Variants in DNMBP observed in about 807,000 individuals in gnomAD.
DNMBP encodes the protein dynamin-binding protein.
A neutral mutation model predicts 150.0 loss-of-function variants in DNMBP; 87 were observed. That is an observed-to-expected ratio of 0.58 (90% confidence interval 0.49 to 0.69). The LOEUF is 0.69. Among genes scored for constraint, DNMBP ranks in the 30% least tolerant of loss-of-function variants. The pLI is 0.00. For missense variants in DNMBP, 1,774 were observed against 1,949.0 expected, an observed-to-expected ratio of 0.91 and a Z score of 1.69; for synonymous variants, 711 against 750.4, an observed-to-expected ratio of 0.95 and a Z score of 0.86.
intron 16 of DNMBP, among the ~76,000 whole-genome samples, chr10:99,878,121 G>A (rs2039304846): frequency 6.6e-6 from 1 of 152,182 alleles, no homozygotes; most frequent in Admixed American, 6.5e-5. Context: ...TACCTTTTCA[G>A]TCTTTTAGAA....
chr10:99,882,429 A>C (rs867551736), intron 15 of DNMBP, among the ~76,000 whole-genome samples: 1 of 152,178 alleles, frequency 6.6e-6, no homozygotes, highest in African/African-American at 2.4e-5. Context: ...CTCTACTAAA[A>C]TAAAATTAAC....
intron 4 of DNMBP, among the ~76,000 whole-genome samples, chr10:99,949,556 CTGCAAGGA>C (rs2040396650): frequency 6.6e-6 from 1 of 152,072 alleles, no homozygotes; most frequent in Non-Finnish European, 1.5e-5. Context: ...TTGGCTGTTA[CTGCAAGGA>C]ATAAGTAATT....
intron 10 of DNMBP, 68 bp downstream of exon 10, chr10:99,896,199 C>A (rs1590218690): frequency 6.4e-7 from 1 of 1,557,600 alleles, no homozygotes; most frequent in Non-Finnish European, 8.7e-7. Context: ...TGACGCCAGG[C>A]AGGCTGTCTC....
rs542145909 is a variant in DNMBP, at chr10:99,928,734, T to C, written c.2261-19588A>G. 1.1e-4 allele frequency among the ~76,000 whole-genome samples: 16 copies of C among 152,342 alleles called. No individual in the cohort carries two copies. The South Asian group carries it at 3.1e-3, about 30-fold the overall frequency. ...TCCACAAGAGTGTCAGTACTCATCA[T>C]TCACTTAAGATTCCTGAATGTCAAG... On this transcript the variant is annotated intron_variant, in intron 4 of 16. Coordinates refer to ENST00000324109, the MANE Select transcript of DNMBP (RefSeq NM_015221.4).
At chr10:99,929,702 G>T in intron 4 of DNMBP, 1 of 702,930 alleles carries the variant, frequency 1.4e-6, no homozygotes, top group South Asian at 1.5e-5. Context: ...AAGTCTCTGG[G>T]CCATTTAATT....
rs191168570 is a variant in DNMBP, at chr10:99,997,970, C to G, written c.-11+11868G>C. ...AAAAAAAAAGCTGGACGCGGTGGCTCACACCTGTAATCCCCAGCACTTTGG... is the reference window on the plus strand; with the variant it reads ...AAAAAAAAAGCTGGACGCGGTGGCTGACACCTGTAATCCCCAGCACTTTGG... On this transcript the variant is annotated intron_variant, in intron 1 of 16. Coordinates refer to ENST00000324109, the MANE Select transcript of DNMBP (RefSeq NM_015221.4). Among the ~76,000 whole-genome samples, 14 of 138,852 alleles carry G rather than the reference C, an allele frequency of 1.0e-4. No individual in the cohort carries two copies. In the East Asian group the frequency reaches 2.7e-3, roughly 27 times the overall value. The allele number at this position is 138,852 out of a possible 152,430, so 91.1% of individuals were successfully genotyped here. A position where few individuals can be genotyped will look rare whatever the true frequency, so the allele number is the denominator to read the frequency against.
intron 3 of DNMBP, among the ~76,000 whole-genome samples, chr10:99,964,244 G>A (rs1352343816): frequency 1.3e-5 from 2 of 148,252 alleles, no homozygotes; most frequent in African/African-American, 5.0e-5. Context: ...CCGGGTTCGA[G>A]CAATTTCTCC....
chr10:99,992,387 G>C (rs2040905057), intron 1 of DNMBP, among the ~76,000 whole-genome samples: 1 of 151,018 alleles, frequency 6.6e-6, no homozygotes, highest in African/African-American at 2.4e-5. Flanking sequence ...TGCTTCTTTG[G>C]AGCAAGTTAA....
intron 9 of DNMBP, among the ~76,000 whole-genome samples, chr10:99,896,721 T>C (rs543422336): frequency 6.6e-6 from 1 of 152,332 alleles, no homozygotes; most frequent in Admixed American, 6.5e-5. Context: ...GAGTCTCATT[T>C]TCCTCTTCAA....
chr10:99,973,908 G>A (rs1003960259), intron 1 of DNMBP, among the ~76,000 whole-genome samples: 4 of 152,218 alleles, frequency 2.6e-5, no homozygotes, highest in Non-Finnish European at 5.9e-5. Context: ...TTGAACCTGG[G>A]AGGCCGAGGT....
At chr10:99,914,068 G>T (rs1564729899) in intron 4 of DNMBP, 4 of 1,436,506 alleles carry the variant, frequency 2.8e-6, no homozygotes, top group Admixed American at 3.0e-5. Flanking sequence ...CTTTGAATAG[G>T]GTCGGCATTT....
chr10:99,921,968 G>GC (rs999408015), intron 4 of DNMBP, among the ~76,000 whole-genome samples: 1 of 150,316 alleles, frequency 6.7e-6, no homozygotes, highest in Non-Finnish European at 1.5e-5. Context: ...TCAATGAAAT[G>GC]CAATATATTT....
At chr10:99,916,655 T>A (rs1174953070) in intron 4 of DNMBP, among the ~76,000 whole-genome samples, 1 of 149,238 alleles carries the variant, frequency 6.7e-6, no homozygotes. Context: ...TTTTTCTACT[T>A]AAAAAAAAAA....
At chr10:99,942,086 G>C (rs1453058934) in intron 4 of DNMBP, among the ~76,000 whole-genome samples, 3 of 152,102 alleles carry the variant, frequency 2.0e-5, no homozygotes, top group Non-Finnish European at 2.9e-5. Context: ...AGCTGAACCA[G>C]TCTCCTTGCT....
chr10:99,936,574 G>T (rs1290004258), intron 4 of DNMBP, among the ~76,000 whole-genome samples: 8 of 150,436 alleles, frequency 5.3e-5, no homozygotes, highest in Non-Finnish European at 7.4e-5. Context: ...GAGTGCAGTG[G>T]TGCCATCACA....
chr10:99,895,896 C>T (rs1021423222), intron 10 of DNMBP, among the ~76,000 whole-genome samples: 6 of 152,176 alleles, frequency 3.9e-5, no homozygotes, highest in Non-Finnish European at 5.9e-5. Flanking sequence ...TCAGCATCGC[C>T]GATAAACTGT....
At position 99,955,275 on chromosome 10, in the gene DNMBP, C is replaced by T. The variant is rs779220063; in HGVS notation, c.2199G>A (p.Glu733=). 1.9e-6 allele frequency: 3 copies of T among 1,614,062 alleles called. No individual in the cohort carries two copies. The highest frequency in any genetic ancestry group is 2.5e-6 in the Non-Finnish European group (3 of 1,180,018). The change falls in exon 4 of 17, where the codon GAG becomes GAA. Residue 733 remains glutamate, a synonymous_variant. Coordinates refer to ENST00000324109, the MANE Select transcript of DNMBP (RefSeq NM_015221.4). ...QDESSRAETL[E]DLKFCESNIE... ...TGTTACTTTCACAGAACTTGAGATCCTCGAGGGTCTCTGCTCTTGATGATT... is the reference window on the plus strand; with the variant it reads ...TGTTACTTTCACAGAACTTGAGATCTTCGAGGGTCTCTGCTCTTGATGATT...
In DNMBP at chr10:99,876,431, A is replaced by C. The variant is rs1425777189; in HGVS notation, c.*720T>G. Reference sequence around the variant, plus strand: ...CGGGGGGGCAGTGATTGTACCTAACAAGGGAAGAGAATCTTTCAGATGAAG... The same window carrying C: ...CGGGGGGGCAGTGATTGTACCTAACCAGGGAAGAGAATCTTTCAGATGAAG... On this transcript the variant is annotated 3_prime_UTR_variant, in exon 17 of 17. Coordinates refer to ENST00000324109, the MANE Select transcript of DNMBP (RefSeq NM_015221.4). 2 of 152,034 alleles carry C rather than the reference A, an allele frequency of 1.3e-5. No homozygotes were observed. 9.4% of individuals were successfully genotyped at this position (152,034 alleles called of 1,614,324 possible). A position where few individuals can be genotyped will look rare whatever the true frequency, so the allele number is the denominator to read the frequency against.
At chr10:99,960,958 CAA>C (rs2040557547) in intron 3 of DNMBP, among the ~76,000 whole-genome samples, 1 of 149,300 alleles carries the variant, frequency 6.7e-6, no homozygotes, top group African/African-American at 2.5e-5. Context: ...GCCTGGGTGA[CAA>C]AGAGAGGCCC....
Sources: gnomAD v4.1 joint callset for allele counts (sites outside exome capture counted in the v4.1 genomes callset) on GRCh38, gnomAD v4.1.1 for gene constraint, MANE v1.5 for transcripts, NCBI Gene and HGNC (gene_info 2026-07-23, HGNC 2026-07-21) for gene names.